CCM2: variants seen among roughly 807,000 people sequenced by gnomAD.
The protein encoded by CCM2 is cerebral cavernous malformations 2 protein.
In CCM2, 25 loss-of-function variants were observed where a neutral mutation model predicts 44.9. The ratio of observed to expected loss-of-function variants is 0.56; its 90% CI spans 0.41 to 0.78. The LOEUF (loss-of-function observed/expected upper bound fraction) is 0.78, where lower values mean the gene tolerates loss of function less well. Ranked by LOEUF, CCM2 falls within the 30% of genes least tolerant of loss-of-function variation. The probability of loss-of-function intolerance (pLI) is 0.00; values close to 1 mark genes in which losing one functional copy is unlikely to be tolerated. For synonymous variants in CCM2, 219 were observed against 241.1 expected, an observed-to-expected ratio of 0.91 and a Z score of 0.85; for missense variants, 481 against 580.6, an observed-to-expected ratio of 0.83 and a Z score of 1.76.
At chr7:45,050,260 A>G (rs192282784) in intron 2 of CCM2, among the ~76,000 whole-genome samples, 102 of 148,580 alleles carry the variant, frequency 6.9e-4, no homozygotes, top group African/African-American at 2.2e-3. Context: ...GTAGTGGGCT[A>G]TAATGTACCA....
At chr7:45,059,714 G>C (rs1798437640) in intron 2 of CCM2, among the ~76,000 whole-genome samples, 1 of 152,122 alleles carries the variant, frequency 6.6e-6, no homozygotes, top group Non-Finnish European at 1.5e-5. Context: ...CTCCAGCCTG[G>C]GCAACAGAGC....
intron 1 of CCM2, among the ~76,000 whole-genome samples, chr7:45,033,405 T>G (rs1252496933): frequency 6.6e-6 from 1 of 152,210 alleles, no homozygotes; most frequent in Non-Finnish European, 1.5e-5. Context: ...AGGTTGATCT[T>G]GGCAAATCTC....
chr7:45,045,383 T>TA (rs35720008), intron 2 of CCM2, among the ~76,000 whole-genome samples: 80,123 of 152,066 alleles, frequency 0.53, 22,592 homozygotes, highest in African/African-American at 0.74. Flanking sequence ...AATCACCGCT[T>TA]AAAAAAATGT....
intron 2 of CCM2, among the ~76,000 whole-genome samples, chr7:45,059,375 G>A (rs1348437903): frequency 6.6e-6 from 1 of 150,980 alleles, no homozygotes; most frequent in Non-Finnish European, 1.5e-5. Context: ...TTGAGCCTAG[G>A]AGTTTGAGAC....
chr7:45,027,917 T>A, intron 1 of CCM2: 2 of 1,015,840 alleles, frequency 2.0e-6, no homozygotes, highest in Non-Finnish European at 3.0e-6. Flanking sequence ...TAGCCCAGTC[T>A]CCATGACCCC....
chr7:45,044,615 T>A (rs1335421769), intron 2 of CCM2, among the ~76,000 whole-genome samples: 1 of 152,210 alleles, frequency 6.6e-6, no homozygotes, highest in African/African-American at 2.4e-5. Context: ...CCAATTTGAC[T>A]GGGCTGTCTT....
At position 45,058,366 on chromosome 7, in the gene CCM2, C is replaced by T. The variant is rs193193659; in HGVS notation, c.205-5552C>T. On this transcript the variant is annotated intron_variant, in intron 2 of 9. Transcript: ENST00000258781. ...TAAGTTTTAGGGTACATGTGCACAA[C>T]GTGCAGGTTTGTTACATATGTATAC... Among the ~76,000 whole-genome samples, 13 of 151,990 alleles carry T rather than the reference C, an allele frequency of 8.6e-5. 1 individual carries two copies. The highest frequency in any genetic ancestry group is 6.2e-4 in the South Asian group (3 of 4,812).
chr7:45,068,142 C>T (rs1798873935), intron 4 of CCM2: 1 of 448,592 alleles, frequency 2.2e-6, no homozygotes, highest in African/African-American at 2.0e-5. Context: ...ATGGAAACCT[C>T]CTGGAGGTGA....
chr7:45,060,422 T>A (rs753955829), intron 2 of CCM2, among the ~76,000 whole-genome samples: 1 of 152,254 alleles, frequency 6.6e-6, no homozygotes, highest in East Asian at 1.9e-4. Flanking sequence ...TTTGCCTCAG[T>A]GTAAATTACC....
chr7:45,057,048 C>T (rs1163874528), intron 2 of CCM2, among the ~76,000 whole-genome samples: 2 of 152,258 alleles, frequency 1.3e-5, no homozygotes, highest in East Asian at 3.9e-4. Flanking sequence ...TCCAGTTTTC[C>T]CAGCACCATT....
intron 1 of CCM2, among the ~76,000 whole-genome samples, chr7:45,015,384 T>G (rs763408153): frequency 2.6e-5 from 4 of 152,210 alleles, no homozygotes; most frequent in Non-Finnish European, 5.9e-5. Flanking sequence ...GACATGCTGC[T>G]GTTCCCTCCC....
chr7:45,013,501 A>G (rs983951049), intron 1 of CCM2, among the ~76,000 whole-genome samples: 1 of 152,140 alleles, frequency 6.6e-6, no homozygotes, highest in African/African-American at 2.4e-5. Flanking sequence ...ATAATGCCCC[A>G]TGACCCTTTA....
intron 9 of CCM2, 117 bp downstream of exon 9, chr7:45,074,525 G>A (rs1799251543): frequency 2.4e-6 from 2 of 832,286 alleles, no homozygotes; most frequent in Non-Finnish European, 4.0e-6. Flanking sequence ...CATCAGGGAT[G>A]GGAGATTTGA....
intron 1 of CCM2, among the ~76,000 whole-genome samples, chr7:45,001,877 TTAA>T (rs1795650424): frequency 6.6e-6 from 1 of 152,206 alleles, no homozygotes. Context: ...AGGTTAATTA[TTAA>T]TTTCATTTTC....
intron 1 of CCM2, among the ~76,000 whole-genome samples, chr7:45,037,785 A>G (rs1444359739): frequency 6.6e-6 from 1 of 151,954 alleles, no homozygotes; most frequent in Non-Finnish European, 1.5e-5. Flanking sequence ...AGTGTTCCCC[A>G]CTGGGGAAAG....
chr7:45,069,959 G>A lies in CCM2; in HGVS notation c.743G>A (p.Ser248Asn). The A allele has an allele frequency of 6.2e-7, 1 of 1,613,850 alleles. No individual in the cohort carries two copies. The highest frequency in any genetic ancestry group is 8.5e-7 in the Non-Finnish European group (1 of 1,180,046). ...STPTHHLSLH[S>N]DDSSTKVDIK... is the part of the protein sequence containing the mutation. ...CCGACCCACCACCTGTCCCTGCACA[G>A]CGGTATGTTGAGTGAGAGTGGGCAG... Residue 248 changes from serine to asparagine, a missense_variant and splice_region_variant, in exon 6 of 10, where the codon AGC becomes AAC. By Grantham distance (46) the Ser-to-Asn change is conservative (BLOSUM62 1). Transcript: ENST00000258781.
chr7:45,011,764 A>T (rs776450253), intron 1 of CCM2, among the ~76,000 whole-genome samples: 6 of 152,080 alleles, frequency 3.9e-5, no homozygotes, highest in Non-Finnish European at 7.4e-5. Context: ...GTTGGCCAGG[A>T]TGATCTCAAA....
At chr7:45,024,235 C>T (rs1424986315) in intron 1 of CCM2, among the ~76,000 whole-genome samples, 1 of 152,182 alleles carries the variant, frequency 6.6e-6, no homozygotes, top group African/African-American at 2.4e-5. Flanking sequence ...TCAGGAAAGA[C>T]TCTTCAGCTG....
chr7:45,072,631 C>A, intron 6 of CCM2, 95 bp from the exon 7 acceptor site: 1 of 940,974 alleles, frequency 1.1e-6, no homozygotes, highest in Non-Finnish European at 1.7e-6. Context: ...CCAGGGCTGC[C>A]GCTGTCTCCT....
Sources: gnomAD v4.1 joint callset for allele counts (sites outside exome capture counted in the v4.1 genomes callset) on GRCh38, gnomAD v4.1.1 for gene constraint, MANE v1.5 for transcripts, NCBI Gene and HGNC (gene_info 2026-07-23, HGNC 2026-07-21) for gene names.